The following MCF2L2 variants were observed in gnomAD, a reference collection of about 807,000 sequenced individuals.
MCF2L2 encodes the protein MCF.2 cell line derived transforming sequence-like 2, also known as probable guanine nucleotide exchange factor MCF2L2.
MCF2L2 carries 102 observed loss-of-function variants against 150.2 expected under a neutral mutation model. The ratio of observed to expected loss-of-function variants is 0.68; its 90% CI spans 0.58 to 0.80. The LOEUF (loss-of-function observed/expected upper bound fraction) is 0.80, where lower values mean the gene tolerates loss of function less well. Among genes scored for constraint, MCF2L2 ranks in the 30% least tolerant of loss-of-function variants. The pLI is 0.00. For synonymous variants in MCF2L2, 465 were observed against 491.3 expected (o/e 0.95, Z 0.71); for missense variants, 1,256 against 1,372.8 (o/e 0.91, Z 1.34).
At chr3:183,425,509 T>C (rs1269414813) in intron 1 of MCF2L2, among the ~76,000 whole-genome samples, 1 of 152,112 alleles carries the variant, frequency 6.6e-6, no homozygotes, top group Non-Finnish European at 1.5e-5. Flanking sequence ...CAGGCAAGCA[T>C]AGAGCCAATC....
At chr3:183,332,596 C>T (rs77789233) in intron 5 of MCF2L2, among the ~76,000 whole-genome samples, 5,820 of 152,184 alleles carry the variant, frequency 0.038, 372 homozygotes, top group African/African-American at 0.13. Flanking sequence ...CAGGGAAATA[C>T]GCGTGACATT....
At chr3:183,247,098 C>T (rs576379203) in intron 15 of MCF2L2, among the ~76,000 whole-genome samples, 4 of 152,224 alleles carry the variant, frequency 2.6e-5, no homozygotes, top group Non-Finnish European at 5.9e-5. Flanking sequence ...ATTCTGTGGA[C>T]GAGAGTAGGT....
intron 5 of MCF2L2, among the ~76,000 whole-genome samples, chr3:183,337,498 A>G (rs1173774689): frequency 6.8e-6 from 1 of 146,994 alleles, no homozygotes; most frequent in African/African-American, 2.6e-5. Context: ...GGTTGCAGTG[A>G]GCTGAAATTG....
At chr3:183,311,128 G>A in intron 8 of MCF2L2, 99 bp from the exon 9 acceptor site, 1 of 666,012 alleles carries the variant, frequency 1.5e-6, no homozygotes, top group Admixed American at 2.6e-5. Flanking sequence ...TCGGTCAGTG[G>A]TGTCAATTGT....
At chr3:183,302,180 G>A (rs1451698257) in intron 10 of MCF2L2, among the ~76,000 whole-genome samples, 1 of 152,210 alleles carries the variant, frequency 6.6e-6, no homozygotes, top group African/African-American at 2.4e-5. Context: ...AGGATTCTAA[G>A]AAGCTTGTGC....
At chr3:183,219,809 A>G (rs764129055) in intron 21 of MCF2L2, 47 bp downstream of exon 21, 1 of 1,274,684 alleles carries the variant, frequency 7.8e-7, no homozygotes, top group Admixed American at 1.7e-5. Context: ...ATAGACAAAC[A>G]CCATTAATAG....
At chr3:183,406,124 C>T (rs1195379039) in intron 1 of MCF2L2, among the ~76,000 whole-genome samples, 1 of 152,152 alleles carries the variant, frequency 6.6e-6, no homozygotes, top group Non-Finnish European at 1.5e-5. Context: ...ATTACTGAGT[C>T]GTATATTAAA....
chr3:183,312,406 G>T (rs957868330), intron 7 of MCF2L2, among the ~76,000 whole-genome samples: 2 of 152,180 alleles, frequency 1.3e-5, no homozygotes, highest in Admixed American at 1.3e-4. Flanking sequence ...AAAGCCAACA[G>T]CTGTAGTCCT....
At chr3:183,182,804 C>G (rs1721574994) in intron 27 of MCF2L2, 1 of 152,308 alleles carries the variant, frequency 6.6e-6, no homozygotes, top group South Asian at 2.1e-4. Context: ...GGCAAAGCCC[C>G]TGGTTCTCTG....
chr3:183,393,228 T>C (rs778651213), intron 1 of MCF2L2, among the ~76,000 whole-genome samples: 93 of 150,504 alleles, frequency 6.2e-4, no homozygotes, highest in Non-Finnish European at 1.1e-3. Context: ...AGTTTCGCTC[T>C]TGTTGCCCAG....
chr3:183,300,832 C>T (rs778269354), intron 10 of MCF2L2, among the ~76,000 whole-genome samples: 4 of 151,724 alleles, frequency 2.6e-5, no homozygotes, highest in South Asian at 2.1e-4. Flanking sequence ...GCCTGACCAA[C>T]GTGGAAAAAC....
In MCF2L2 at chr3:183,193,210, AG is replaced by A. The variant is rs927070081; in HGVS notation, c.2919-115del. On this transcript the variant is annotated intron_variant, in intron 26 of 29. Coordinates refer to ENST00000328913, the MANE Select transcript of MCF2L2 (RefSeq NM_015078.4). ...TAGTGTATCTCTGGTCTAGGTCTCGAGGACCTGCTGCTCCTCCCTCACCTGT... is the reference window on the plus strand; with the variant it reads ...TAGTGTATCTCTGGTCTAGGTCTCGAGACCTGCTGCTCCTCCCTCACCTGT... 300 of 813,032 alleles carry A rather than the reference AG, an allele frequency of 3.7e-4. 1 individual carries two copies. The highest frequency in any genetic ancestry group is 1.8e-3 in the Middle Eastern group (8 of 4,350). The allele number at this position is 813,032 out of a possible 1,614,324, so 50.4% of individuals were successfully genotyped here. A position where few individuals can be genotyped will look rare whatever the true frequency, so the allele number is the denominator to read the frequency against.
intron 27 of MCF2L2, among the ~76,000 whole-genome samples, chr3:183,189,329 C>A (rs1256825313): frequency 2.0e-5 from 3 of 152,204 alleles, no homozygotes; most frequent in Non-Finnish European, 4.4e-5. Context: ...TTTGAGTTAA[C>A]CCCCACAGGC....
rs373621529 is a variant in MCF2L2 at position 183,367,944 on chromosome 3, C to T, written c.275+11353G>A. Among the ~76,000 whole-genome samples the T allele has an allele frequency of 5.9e-5, 9 of 152,280 alleles. No homozygotes were observed. In the East Asian group the frequency reaches 1.5e-3, roughly 26 times the overall value. ...ATGTTAGTATCATGGAGCTAACCAC[C>T]ATTATATCATTTGAAAACTGCATGA... is the stretch of plus-strand genomic sequence containing the variant. On this transcript the variant is annotated intron_variant, in intron 3 of 29. Transcript: ENST00000328913.
chr3:183,258,501 T>C (rs1725289486), intron 15 of MCF2L2: 1 of 152,314 alleles, frequency 6.6e-6, no homozygotes, highest in African/African-American at 2.4e-5. Flanking sequence ...TTGCCACCTC[T>C]CCCACAAAGC....
intron 15 of MCF2L2, among the ~76,000 whole-genome samples, chr3:183,263,370 C>G (rs1725796696): frequency 6.6e-6 from 1 of 152,234 alleles, no homozygotes; most frequent in East Asian, 1.9e-4. Flanking sequence ...ATCTTTAGAC[C>G]CTCCTGTAGC....
intron 1 of MCF2L2, among the ~76,000 whole-genome samples, chr3:183,395,295 T>G (rs1456019070): frequency 1.3e-5 from 2 of 152,120 alleles, no homozygotes; most frequent in Non-Finnish European, 2.9e-5. Context: ...TAAGATACAA[T>G]GTCAAGGACA....
intron 1 of MCF2L2, among the ~76,000 whole-genome samples, chr3:183,412,237 A>G (rs768709885): frequency 6.6e-6 from 1 of 152,194 alleles, no homozygotes; most frequent in Non-Finnish European, 1.5e-5. Flanking sequence ...AGTCAGTGCA[A>G]AGGGAATTCA....
intron 27 of MCF2L2, among the ~76,000 whole-genome samples, chr3:183,186,254 A>G (rs963126990): frequency 3.3e-5 from 5 of 152,190 alleles, no homozygotes; most frequent in Non-Finnish European, 7.4e-5. Flanking sequence ...ATTTAAAAAA[A>G]ATCATGCATA....
Sources: gnomAD v4.1 joint callset for allele counts (sites outside exome capture counted in the v4.1 genomes callset) on GRCh38, gnomAD v4.1.1 for gene constraint, MANE v1.5 for transcripts, NCBI Gene and HGNC (gene_info 2026-07-23, HGNC 2026-07-21) for gene names.